Variants in UBN2 observed in about 807,000 individuals in gnomAD.
UBN2 encodes ubinuclein 2, also known as ubinuclein-2.
A neutral mutation model predicts 120.2 loss-of-function variants in UBN2; 35 were observed. The ratio of observed to expected loss-of-function variants is 0.29; its 90% confidence interval spans 0.22 to 0.39. UBN2 has a LOEUF of 0.39. UBN2 is among the 10% of genes least tolerant of loss of function. The pLI is 1.00. For missense variants in UBN2, 1,693 were observed against 1,663.2 expected, an observed-to-expected ratio of 1.02 and a Z score of -0.31; for synonymous variants, 661 against 648.7, an observed-to-expected ratio of 1.02 and a Z score of -0.29.
chr7:139,246,776 G>A (rs150356157), intron 2 of UBN2, among the ~76,000 whole-genome samples: 95 of 152,192 alleles, frequency 6.2e-4, no homozygotes, highest in Non-Finnish European at 1.1e-3. Flanking sequence ...TCTGATGTTT[G>A]TTTGTTGGCC....
chr7:139,322,616 A>ATTTTTT, the UBN2 span, among the ~76,000 whole-genome samples: 2 of 99,838 alleles, frequency 2.0e-5, no homozygotes, highest in South Asian at 2.8e-4. Flanking sequence ...TACCATCTGG[A>ATTTTTT]CTTTTTTTTT....
chr7:139,266,734 C>T (rs1797109048), intron 7 of UBN2, among the ~76,000 whole-genome samples: 1 of 152,146 alleles, frequency 6.6e-6, no homozygotes, highest in Admixed American at 6.6e-5. Flanking sequence ...CGTTTATATA[C>T]AGATTTGGCA....
intron 14 of UBN2, 64 bp downstream of exon 14, chr7:139,282,119 T>C: frequency 6.8e-7 from 1 of 1,477,768 alleles, no homozygotes; most frequent in South Asian, 1.2e-5. Context: ...TGGGTTTGTT[T>C]AAGAAACTAA....
At chr7:139,327,825 CAGA>C in the UBN2 span, among the ~76,000 whole-genome samples, 1 of 152,194 alleles carries the variant, frequency 6.6e-6, no homozygotes, top group African/African-American at 2.4e-5. Context: ...GACCTATTTC[CAGA>C]AGATTATCCC....
In UBN2 at chr7:139,273,928, T is replaced by G; in HGVS notation, c.1830-3T>G. The G allele has an allele frequency of 6.3e-7, 1 of 1,597,144 alleles. No homozygotes were observed. Among genetic ancestry groups the G allele is most frequent in the Non-Finnish European group, 8.5e-7 (1 of 1,175,614 alleles). ...TTTCAAATTTAATTTTCAATCTGTT[T>G]AGAACTTTGTTATGTAACCTTGTTG... On this transcript the variant is annotated splice_region_variant and splice_polypyrimidine_tract_variant and intron_variant, in intron 10 of 17. Transcript: ENST00000473989.
chr7:139,322,323 C>T, the UBN2 span, among the ~76,000 whole-genome samples: 2 of 152,282 alleles, frequency 1.3e-5, no homozygotes, highest in East Asian at 3.9e-4. Flanking sequence ...AACTCTTTAA[C>T]CTGTTTGTTA....
chr7:139,286,641 C>T (rs150093858), intron 15 of UBN2, among the ~76,000 whole-genome samples: 2 of 150,678 alleles, frequency 1.3e-5, no homozygotes, highest in East Asian at 1.9e-4. Flanking sequence ...GTTTTATAAC[C>T]GGCAAAAAAA....
intron 11 of UBN2, 119 bp downstream of exon 11, chr7:139,274,193 T>G (rs1797375012): frequency 3.0e-6 from 3 of 1,008,222 alleles, no homozygotes; most frequent in Non-Finnish European, 4.1e-6. Flanking sequence ...ATATTCAGCA[T>G]GCTGTCTAGT....
At position 139,303,328 on chromosome 7, in the gene UBN2, G is replaced by A. The variant is rs1798302852; in HGVS notation, c.*5492G>A. On this transcript the variant is annotated 3_prime_UTR_variant, in exon 18 of 18. Coordinates refer to ENST00000473989, the MANE Select transcript of UBN2 (RefSeq NM_173569.4). ...TGTTGAAAACAAATAGATGTGACAT[G>A]TTAAGGGAGACCAAGTTGAACCATC... is the stretch of plus-strand genomic sequence containing the variant. The A allele has an allele frequency of 6.6e-6, 1 of 152,180 alleles. No homozygotes were observed. The highest frequency in any genetic ancestry group is 2.1e-4 in the South Asian group (1 of 4,826). The allele number at this position is 152,180 out of a possible 1,614,324, so 9.4% of individuals were successfully genotyped here.
At chr7:139,252,495 T>G (rs1262143658) in intron 3 of UBN2, among the ~76,000 whole-genome samples, 4 of 152,312 alleles carry the variant, frequency 2.6e-5, no homozygotes, top group African/African-American at 9.6e-5. Context: ...TAATTTTTCG[T>G]GTGTTGTGAA....
chr7:139,316,421 T>C, the UBN2 span, among the ~76,000 whole-genome samples: 2 of 152,322 alleles, frequency 1.3e-5, no homozygotes, highest in South Asian at 4.1e-4. Flanking sequence ...CACATTTAAA[T>C]AATAGTTTAG....
chr7:139,323,597 T>TATC, the UBN2 span, among the ~76,000 whole-genome samples: 1 of 139,798 alleles, frequency 7.2e-6, no homozygotes, highest in Admixed American at 7.8e-5. Context: ...TTATTATTAT[T>TATC]ATTATTTTTG....
the UBN2 span, among the ~76,000 whole-genome samples, chr7:139,313,275 T>G: frequency 4.6e-5 from 7 of 152,328 alleles, no homozygotes; most frequent in East Asian, 1.9e-4. Flanking sequence ...CAGATTTTTT[T>G]TGTGTCTTCC....
intron 12 of UBN2, 33 bp from the exon 13 acceptor site, chr7:139,279,285 C>T: frequency 6.4e-7 from 1 of 1,574,572 alleles, no homozygotes; most frequent in Non-Finnish European, 8.7e-7. Context: ...ATAACTGCTA[C>T]TGAAATAGCC....
rs1467941068 is a variant in UBN2, at chr7:139,299,482, G to T, written c.*1646G>T. 2.0e-5 allele frequency: 3 copies of T among 152,092 alleles called. No individual in the cohort carries two copies. The highest frequency in any genetic ancestry group is 7.2e-5 in the African/African-American group (3 of 41,444). The allele number at this position is 152,092 out of a possible 1,614,324, so 9.4% of individuals were successfully genotyped here. ...ACCACAGATCGGTTCAGATCTGTAT[G>T]CCTATATTTTGACTTCAAAGTCACA... is the stretch of plus-strand genomic sequence containing the variant. On this transcript the variant is annotated 3_prime_UTR_variant, in exon 18 of 18. Transcript: ENST00000473989.
At chr7:139,271,002 G>A (rs1472222408) in intron 8 of UBN2, among the ~76,000 whole-genome samples, 2 of 151,666 alleles carry the variant, frequency 1.3e-5, no homozygotes, top group Non-Finnish European at 2.9e-5. Flanking sequence ...GGCTGGTCTC[G>A]AACTCCCGAC....
intron 3 of UBN2, among the ~76,000 whole-genome samples, chr7:139,256,216 G>T (rs893820079): frequency 2.0e-5 from 3 of 152,296 alleles, no homozygotes; most frequent in East Asian, 3.9e-4. Context: ...GAATTGCCCT[G>T]TATACCTGGA....
At chr7:139,264,832 C>T (rs1472519414) in intron 6 of UBN2, among the ~76,000 whole-genome samples, 2 of 152,120 alleles carry the variant, frequency 1.3e-5, no homozygotes, top group African/African-American at 4.8e-5. Flanking sequence ...CATGATCCAC[C>T]CGCTTGGCCT....
intron 15 of UBN2, among the ~76,000 whole-genome samples, chr7:139,286,883 C>T (rs1334300307): frequency 2.0e-5 from 3 of 152,104 alleles, no homozygotes; most frequent in African/African-American, 7.2e-5. Context: ...ATATTCAAAT[C>T]ATCATTCTGC....
Sources: allele counts gnomAD v4.1 joint callset (sites outside exome capture counted in the v4.1 genomes callset), GRCh38; gene constraint gnomAD v4.1.1; transcripts MANE v1.5; gene names NCBI Gene and HGNC (gene_info 2026-07-23, HGNC 2026-07-21).